The following CHSY1 variants were observed in gnomAD, a reference collection of about 807,000 sequenced individuals.
CHSY1 encodes N-acetylgalactosaminyl-proteoglycan 3-beta-glucuronosyltransferase 1.
CHSY1 carries 13 observed loss-of-function variants against 59.8 expected under a neutral mutation model. The observed-to-expected ratio is 0.22, with a 90% CI of 0.14 to 0.35. The LOEUF is 0.35. Ranked by LOEUF, CHSY1 falls within the 10% of genes least tolerant of loss-of-function variation. The probability of loss-of-function intolerance (pLI) is 1.00; values close to 1 mark genes in which losing one functional copy is unlikely to be tolerated. For missense variants in CHSY1, 947 were observed against 1,030.6 expected (o/e 0.92, Z 1.11); for synonymous variants, 459 against 401.2 (o/e 1.14, Z -1.72).
At chr15:101,231,250 T>C (rs2038889998) in intron 2 of CHSY1, among the ~76,000 whole-genome samples, 3 of 152,188 alleles carry the variant, frequency 2.0e-5, no homozygotes, top group Admixed American at 2.0e-4. Context: ...AGCCCGAACG[T>C]CCATCAAAAA....
Position 101,242,248 on chromosome 15 carries a change from T to A in CHSY1, c.321-6671A>T, listed in dbSNP as rs1231613205. ...AAAGAAAAGTAAGAGTAGGAAACCC[T>A]TACGCAAGGAACGAAAGGCAAATCC... On this transcript the variant is annotated intron_variant, in intron 1 of 2. Coordinates refer to ENST00000254190, the MANE Select transcript of CHSY1 (RefSeq NM_014918.5). Among the ~76,000 whole-genome samples, 3 of 152,236 alleles carry A rather than the reference T, an allele frequency of 2.0e-5. No individual in the cohort carries two copies. The East Asian group carries it at 5.8e-4, about 29-fold the overall frequency.
rs2039114467 is a variant in CHSY1 at position 101,251,584 on chromosome 15, G to GC, written c.-129dup. On this transcript the variant is annotated 5_prime_UTR_variant, in exon 1 of 3. It removes the in-frame stop codon of an upstream open reading frame in the 5' UTR. Transcript: ENST00000254190. ...CGGCCCGGGCAGCGCCGCCGCCGCC[G>GC]CGGGCCCGCCGCGCCCATCGCGGCC... The GC allele has an allele frequency of 6.8e-6, 1 of 146,874 alleles. No homozygotes were observed. Among genetic ancestry groups the GC allele is most frequent in the Non-Finnish European group, 1.5e-5 (1 of 67,624 alleles). 9.1% of individuals were successfully genotyped at this position (146,874 alleles called of 1,614,324 possible).
chr15:101,249,716 T>C (rs1289379076), intron 1 of CHSY1, among the ~76,000 whole-genome samples: 1 of 152,072 alleles, frequency 6.6e-6, no homozygotes, highest in African/African-American at 2.4e-5. Context: ...GGTTTCACCA[T>C]ATTGGTCAGG....
intron 1 of CHSY1, among the ~76,000 whole-genome samples, chr15:101,238,776 A>G (rs2038972918): frequency 1.3e-5 from 2 of 152,254 alleles, no homozygotes; most frequent in Non-Finnish European, 2.9e-5. Flanking sequence ...CCAGACATTC[A>G]TTCCACGGTT....
intron 2 of CHSY1, chr15:101,189,575 G>T: frequency 1.9e-6 from 1 of 516,496 alleles, no homozygotes; most frequent in Non-Finnish European, 2.5e-6. Flanking sequence ...ACCAGTTCAA[G>T]TGAGAGAGAA....
At chr15:101,228,063 T>C (rs755231341) in intron 2 of CHSY1, among the ~76,000 whole-genome samples, 2 of 151,302 alleles carry the variant, frequency 1.3e-5, no homozygotes, top group African/African-American at 4.9e-5. Flanking sequence ...AAGCAGCCAA[T>C]ACGGCGACAG....
At chr15:101,211,390 T>C (rs2038681443) in intron 2 of CHSY1, among the ~76,000 whole-genome samples, 1 of 152,126 alleles carries the variant, frequency 6.6e-6, no homozygotes, top group African/African-American at 2.4e-5. Context: ...ATTAGTATAA[T>C]GAAAGGTGTG....
intron 2 of CHSY1, 141 bp downstream of exon 2, chr15:101,234,940 TA>T: frequency 9.2e-7 from 1 of 1,081,712 alleles, no homozygotes; most frequent in Admixed American, 2.4e-5. Context: ...ATTTTTTTTT[TA>T]ATCTAAGGCT....
At chr15:101,251,114 G>C (rs1402137290) in intron 1 of CHSY1, 23 bp downstream of exon 1, 3 of 1,555,128 alleles carry the variant, frequency 1.9e-6, no homozygotes, top group Non-Finnish European at 1.7e-6. Context: ...GCAGGAGGCG[G>C]TGCCCGGGGA....
rs755792990 is a variant in CHSY1 at position 101,178,563 on chromosome 15, C to T, written c.1234G>A (p.Val412Ile). 3.1e-6 allele frequency: 5 copies of T among 1,614,210 alleles called. No individual in the cohort carries two copies. Among genetic ancestry groups the T allele is most frequent in the Admixed American group, 3.3e-5 (2 of 60,030 alleles). Residue 412 changes from valine (V) to isoleucine (I), a missense_variant, in exon 3 of 3, where the codon GTC (valine) becomes ATC (isoleucine). By Grantham distance (29) the Val-to-Ile change is conservative (BLOSUM62 3). This residue lies in a region of CHSY1 where 602 missense variants were observed against 676.9 expected (regional missense o/e 0.89). Coordinates refer to ENST00000254190, the MANE Select transcript of CHSY1 (RefSeq NM_014918.5). ...GCGTTGGCATTGATCATCTCCATGA[C>T]CTGCATGACAATGTCGTCCAAGGCT... ...REALDDIVMQ[V>I]MEMINANAKT...
chr15:101,203,786 C>A (rs1009891702), intron 2 of CHSY1, among the ~76,000 whole-genome samples: 1 of 152,128 alleles, frequency 6.6e-6, no homozygotes. Flanking sequence ...GGACAAATAA[C>A]TACAAAATAA....
rs181069322 is a variant in CHSY1, at chr15:101,205,724, G to C, written c.817-26744C>G. Among the ~76,000 whole-genome samples, 220 of 152,240 alleles carry C rather than the reference G, an allele frequency of 1.4e-3. 1 individual carries two copies. Among genetic ancestry groups the C allele is most frequent in the Middle Eastern group, 0.01 (3 of 294 alleles). On this transcript the variant is annotated intron_variant, in intron 2 of 2. Transcript: ENST00000254190. ...CCCAGTACTTTGGGAGGCTGAGGTG[G>C]GTGGATCACGAGATCAGGAGATCGA...
At position 101,213,168 on chromosome 15, in the gene CHSY1, T is replaced by C. The variant is rs575555792; in HGVS notation, c.816+21914A>G. On this transcript the variant is annotated intron_variant, in intron 2 of 2. Coordinates refer to ENST00000254190, the MANE Select transcript of CHSY1 (RefSeq NM_014918.5). ...GTAAGAGGAAGGGCAACCATGAATATAAATCTAAATAAAAATCAACTGTAT... is the reference window on the plus strand; with the variant it reads ...GTAAGAGGAAGGGCAACCATGAATACAAATCTAAATAAAAATCAACTGTAT... Among the ~76,000 whole-genome samples the C allele has an allele frequency of 1.1e-4, 16 of 152,206 alleles. No individual in the cohort carries two copies. In the South Asian group the frequency reaches 3.3e-3, roughly 32 times the overall value.
At chr15:101,187,046 G>A (rs2038379079) in intron 2 of CHSY1, among the ~76,000 whole-genome samples, 1 of 152,080 alleles carries the variant, frequency 6.6e-6, no homozygotes, top group African/African-American at 2.4e-5. Context: ...AGCATTAAAG[G>A]GCAATAACAC....
intron 2 of CHSY1, among the ~76,000 whole-genome samples, chr15:101,207,093 C>T (rs975090929): frequency 2.6e-5 from 4 of 152,126 alleles, no homozygotes; most frequent in South Asian, 2.1e-4. Context: ...GGGAAAAATC[C>T]TACTAAGATA....
intron 1 of CHSY1, among the ~76,000 whole-genome samples, chr15:101,246,656 G>A (rs371886178): frequency 6.6e-6 from 1 of 152,126 alleles, no homozygotes; most frequent in African/African-American, 2.4e-5. Context: ...CTTAGTCAAC[G>A]GTACATGGTG....
intron 1 of CHSY1, among the ~76,000 whole-genome samples, chr15:101,243,180 G>A (rs1035105338): frequency 1.3e-5 from 2 of 152,120 alleles, no homozygotes; most frequent in Non-Finnish European, 1.5e-5. Flanking sequence ...CAGGTTCACG[G>A]CAAACAATGG....
rs1469239278 is a variant in CHSY1 at position 101,221,177 on chromosome 15, G to C, written c.816+13905C>G. Among the ~76,000 whole-genome samples, 3 of 152,194 alleles carry C rather than the reference G, an allele frequency of 2.0e-5. No homozygotes were observed. The East Asian group carries it at 5.8e-4, about 29-fold the overall frequency. On this transcript the variant is annotated intron_variant, in intron 2 of 2. Transcript: ENST00000254190. ...CTATAGCAGGGCCTGTCACACGCAG[G>C]TACGCAGACAAATTTTTAAAAATAT...
intron 1 of CHSY1, among the ~76,000 whole-genome samples, chr15:101,238,997 G>C (rs1205719449): frequency 6.6e-6 from 1 of 152,124 alleles, no homozygotes; most frequent in Non-Finnish European, 1.5e-5. Flanking sequence ...CATATGGAGG[G>C]GAGATAACTT....
Sources: allele counts gnomAD v4.1 joint callset (sites outside exome capture counted in the v4.1 genomes callset), GRCh38; gene constraint gnomAD v4.1.1; regional missense constraint gnomAD v4.1.1; transcripts MANE v1.5; gene names NCBI Gene and HGNC (gene_info 2026-07-23, HGNC 2026-07-21).